The following PTPRF variants were observed in gnomAD, a reference collection of about 807,000 sequenced individuals.
PTPRF encodes receptor-type tyrosine-protein phosphatase F.
In PTPRF, 59 loss-of-function variants were observed where a neutral mutation model predicts 201.8. That is an observed-to-expected ratio of 0.29 (90% CI 0.24 to 0.36). PTPRF has a LOEUF of 0.36. Among genes scored for constraint, PTPRF ranks in the 10% least tolerant of loss-of-function variants. The probability of loss-of-function intolerance (pLI) is 1.00; values close to 1 mark genes in which losing one functional copy is unlikely to be tolerated. For synonymous variants in PTPRF, 1,088 were observed against 1,089.7 expected (o/e 1.00, Z 0.03); for missense variants, 2,132 against 2,690.5 (o/e 0.79, Z 4.59).
chr1:43,575,215 G>T (rs1557748732), intron 6 of PTPRF, among the ~76,000 whole-genome samples: 1 of 152,338 alleles, frequency 6.6e-6, no homozygotes, highest in African/African-American at 2.4e-5. Context: ...GGCCCTCTGG[G>T]TTACCAACCC....
At chr1:43,589,132 C>G in intron 8 of PTPRF, 132 bp downstream of exon 8, 2 of 1,110,730 alleles carry the variant, frequency 1.8e-6, no homozygotes, top group Non-Finnish European at 2.4e-6. Flanking sequence ...GGTGTCCCTG[C>G]CCTGGGGTCC....
chr1:43,558,820 G>GT (rs1645581531), intron 5 of PTPRF, among the ~76,000 whole-genome samples: 1 of 152,182 alleles, frequency 6.6e-6, no homozygotes, highest in Admixed American at 6.5e-5. Context: ...TTGAGGGGCA[G>GT]TGAAGGTCTT....
In PTPRF at chr1:43,576,524, C is replaced by T. The variant is rs568149027; in HGVS notation, c.569-2286C>T. Among the ~76,000 whole-genome samples the T allele has an allele frequency of 2.0e-5, 3 of 152,316 alleles. No homozygotes were observed. In the South Asian group the frequency reaches 6.2e-4, roughly 32 times the overall value. ...AACTCCATCACCTGACCTGTCAGCT[C>T]GGAGTCCCCGCTAGGCTGCCTCCAC... On this transcript the variant is annotated intron_variant, in intron 6 of 33. Transcript: ENST00000359947.
In PTPRF at chr1:43,543,447, G is replaced by T. The variant is rs528025432; in HGVS notation, c.-45-1584G>T. ...ACTTGAAGAACTGGTGTAAATGAAG[G>T]CTGGACACCCTTCACCGTTCTTACT... is the stretch of plus-strand genomic sequence containing the variant. On this transcript the variant is annotated intron_variant, in intron 2 of 33. Coordinates refer to ENST00000359947, the MANE Select transcript of PTPRF (RefSeq NM_002840.5). Among the ~76,000 whole-genome samples, 3 of 152,316 alleles carry T rather than the reference G, an allele frequency of 2.0e-5. No homozygotes were observed. The South Asian group carries it at 6.2e-4, about 32-fold the overall frequency.
upstream of PTPRF, among the ~76,000 whole-genome samples, chr1:43,528,926 T>C (rs1410697462): frequency 6.6e-6 from 1 of 151,972 alleles, no homozygotes; most frequent in Non-Finnish European, 1.5e-5. Flanking sequence ...AGAGGAGGCC[T>C]AGGACAGAGT....
chr1:43,603,327 C>T lies in PTPRF; in HGVS notation c.2341-89C>T. Reference sequence around the variant, plus strand: ...CCCTGGCCTTGTGTGCCCCGGGGCTCCCCTCAGGCTAGGGTCCTGAGGTCC... The same window carrying T: ...CCCTGGCCTTGTGTGCCCCGGGGCTTCCCTCAGGCTAGGGTCCTGAGGTCC... On this transcript the variant is annotated intron_variant, in intron 14 of 33. Coordinates refer to ENST00000359947, the MANE Select transcript of PTPRF (RefSeq NM_002840.5). This position sits in a 1 kb window ranked among gnomAD's most constrained non-coding sequence, Gnocchi z 5.8. The T allele has an allele frequency of 1.7e-6, 2 of 1,179,940 alleles. No homozygotes were observed. The highest frequency in any genetic ancestry group is 1.3e-6 in the Non-Finnish European group (1 of 791,432). 73.1% of individuals were successfully genotyped at this position (1,179,940 alleles called of 1,614,324 possible). A position where few individuals can be genotyped will look rare whatever the true frequency, so the allele number is the denominator to read the frequency against.
At chr1:43,555,501 C>T (rs1329914312) in intron 5 of PTPRF, among the ~76,000 whole-genome samples, 2 of 149,324 alleles carry the variant, frequency 1.3e-5, no homozygotes, top group Admixed American at 6.7e-5. Flanking sequence ...CCTGGAGTCC[C>T]GTGGTGCCAT....
rs1282365635 is a variant in PTPRF, at chr1:43,591,854, A to G, written c.1574A>G (p.Asp525Gly). 1.2e-6 allele frequency: 2 copies of G among 1,613,446 alleles called. No homozygotes were observed. Among genetic ancestry groups the G allele is most frequent in the Non-Finnish European group, 8.5e-7 (1 of 1,180,014 alleles). ...PADFQAEVES[D>G]TRIQLSWLLP... Reference sequence around the variant, plus strand: ...GACTTCCAGGCCGAGGTGGAGTCGGACACCAGGATCCAGCTCTCGTGGCTG... The same window carrying G: ...GACTTCCAGGCCGAGGTGGAGTCGGGCACCAGGATCCAGCTCTCGTGGCTG... Residue 525 changes from aspartate to glycine, a missense_variant, in exon 10 of 34, where the codon GAC becomes GGC. Physicochemically the swap from Asp to Gly is moderately conservative, Grantham distance 94. Coordinates refer to ENST00000359947, the MANE Select transcript of PTPRF (RefSeq NM_002840.5).
At chr1:43,556,839 T>G (rs1371915478) in intron 5 of PTPRF, among the ~76,000 whole-genome samples, 1 of 152,246 alleles carries the variant, frequency 6.6e-6, no homozygotes, top group East Asian at 1.9e-4. Flanking sequence ...CCACGTGAGC[T>G]GAAGGTGGTT....
intron 3 of PTPRF, among the ~76,000 whole-genome samples, chr1:43,547,938 C>T (rs767432294): frequency 3.9e-5 from 6 of 152,142 alleles, no homozygotes; most frequent in Non-Finnish European, 7.3e-5. Context: ...ATCTCAAGTG[C>T]GTGTCGCGTG....
Position 43,602,101 on chromosome 1 carries a change from A to G in PTPRF, c.2340+4A>G. ...GCCAGAGGAGTCCGAGGACTATGTA[A>G]GTAACAGGTGTGCGAACGCGGACAA... On this transcript the variant is annotated splice_donor_region_variant and intron_variant, in intron 14 of 33. Transcript: ENST00000359947. 6.2e-7 allele frequency: 1 copy of G among 1,613,078 alleles called. No homozygotes were observed. Among genetic ancestry groups the G allele is most frequent in the Non-Finnish European group, 8.5e-7 (1 of 1,179,082 alleles).
At chr1:43,571,521 T>C (rs1177099097) in intron 6 of PTPRF, among the ~76,000 whole-genome samples, 2 of 152,252 alleles carry the variant, frequency 1.3e-5, no homozygotes, top group Non-Finnish European at 2.9e-5. Flanking sequence ...TTCAGACAGC[T>C]GTACCCTCTT....
At chr1:43,551,783 C>T (rs761981674) in intron 3 of PTPRF, among the ~76,000 whole-genome samples, 3 of 152,186 alleles carry the variant, frequency 2.0e-5, no homozygotes, top group East Asian at 1.9e-4. Flanking sequence ...AGGCCCACCA[C>T]GTAAAGCAGT....
At position 43,604,065 on chromosome 1, in the gene PTPRF, C is replaced by A; in HGVS notation, c.2913C>A (p.Thr971=). 6.2e-7 allele frequency: 1 copy of A among 1,614,232 alleles called. No individual in the cohort carries two copies. The highest frequency in any genetic ancestry group is 1.3e-5 in the African/African-American group (1 of 75,074). Residue 971 remains threonine (T), a synonymous_variant, in exon 16 of 34, where the codon ACC becomes ACA. Coordinates refer to ENST00000359947, the MANE Select transcript of PTPRF (RefSeq NM_002840.5). ...QQELQNITTD[T]RFTLTGLKPD... is the part of the protein sequence containing the mutation. The stretch of plus-strand genomic sequence containing the variant: ...AGCTGCAGAACATCACGACAGACAC[C>A]CGCTTTACCCTTACTGGCCTCAAGC...
chr1:43,604,799 T>C, intron 16 of PTPRF, 104 bp from the exon 17 acceptor site: 1 of 963,418 alleles, frequency 1.0e-6, no homozygotes, highest in South Asian at 1.4e-5. Context: ...CAACCCCCTG[T>C]TCCCCAACCA....
chr1:43,598,841 C>T lies in PTPRF; in HGVS notation c.2241C>T (p.Thr747=). 3.7e-6 allele frequency: 6 copies of T among 1,614,204 alleles called. No homozygotes were observed. Among genetic ancestry groups the T allele is most frequent in the Non-Finnish European group, 4.2e-6 (5 of 1,180,020 alleles). ...GCCAGATCCGCGGCTACCAGGTCAC[C>T]TACGTGCGGCTGGAGAATGGCGAGC... ...QHGQIRGYQV[T]YVRLENGEPR... Residue 747 remains threonine (T), a synonymous_variant, in exon 13 of 34, where the codon ACC becomes ACT. Coordinates refer to ENST00000359947, the MANE Select transcript of PTPRF (RefSeq NM_002840.5).
intron 22 of PTPRF, 136 bp from the exon 23 acceptor site, chr1:43,613,482 C>A: frequency 1.3e-6 from 1 of 744,542 alleles, no homozygotes; most frequent in Non-Finnish European, 2.4e-6. Context: ...GCATGTGCTG[C>A]TGTCTCCATG....
rs148741898 is a variant in PTPRF, at chr1:43,617,529, G to A, written c.4156G>A (p.Ala1386Thr). The A allele has an allele frequency of 1.5e-5, 24 of 1,613,938 alleles. No individual in the cohort carries two copies. Among genetic ancestry groups the A allele is most frequent in the Middle Eastern group, 3.3e-4 (2 of 6,084 alleles). Reference protein sequence around the residue: ...KPKNRYANVIAYDHSRVILTS... With the variant: ...KPKNRYANVITYDHSRVILTS... ...CAAGAACCGCTATGCGAATGTCATC[G>A]CCTACGACCACTCTCGAGTCATCCT... The change falls in exon 24 of 34, where the codon GCC (alanine) becomes ACC (threonine). Residue 1386 changes from alanine (A) to threonine (T), a missense_variant. By Grantham distance (58) the Ala-to-Thr change is moderately conservative. Around this residue, in one of 6 missense-constraint regions of PTPRF, gnomAD observed 818 missense variants for 915.3 expected, o/e 0.89. Coordinates refer to ENST00000359947, the MANE Select transcript of PTPRF (RefSeq NM_002840.5).
intron 1 of PTPRF, among the ~76,000 whole-genome samples, chr1:43,532,006 T>C (rs186075931): frequency 6.6e-6 from 1 of 152,320 alleles, no homozygotes; most frequent in African/African-American, 2.4e-5. Context: ...CACTCTGTTC[T>C]TTCTCCCCAG....
Sources: gnomAD v4.1 joint callset for allele counts (sites outside exome capture counted in the v4.1 genomes callset) on GRCh38, gnomAD v4.1.1 for gene constraint, gnomAD v4.1.1 regional missense constraint, Gnocchi (gnomAD v3.1) non-coding constraint, MANE v1.5 for transcripts, NCBI Gene and HGNC (gene_info 2026-07-23, HGNC 2026-07-21) for gene names.